Variants in NRDC observed in about 807,000 individuals in gnomAD.
NRDC encodes the protein nardilysin.
NRDC carries 54 observed loss-of-function variants against 147.1 expected under a neutral mutation model. The observed-to-expected ratio is 0.37, with a 90% CI of 0.29 to 0.46. NRDC has a LOEUF of 0.46. Among genes scored for constraint, NRDC ranks in the 20% least tolerant of loss-of-function variants. The pLI is 1.00. For missense variants in NRDC, 1,082 were observed against 1,370.6 expected (o/e 0.79, Z 3.33); for synonymous variants, 440 against 482.1 (o/e 0.91, Z 1.14).
At chr1:51,855,500 A>AT (rs896465699) in intron 1 of NRDC, among the ~76,000 whole-genome samples, 36 of 152,296 alleles carry the variant, frequency 2.4e-4, no homozygotes, top group Non-Finnish European at 4.6e-4. Context: ...AGAAAAAAAA[A>AT]ATGAAAAGAG....
rs188338019 is a variant in NRDC at position 51,878,582 on chromosome 1, C to G, written c.34G>C (p.Ala12Pro). ...LRRVTVAAVC[A>P]TRRKLCEAGR... ...GCCTCACACAACTTCCTCCGGGTGGCACAGACTGCAGCAACAGTGACTCTC... is the reference window on the plus strand; with the variant it reads ...GCCTCACACAACTTCCTCCGGGTGGGACAGACTGCAGCAACAGTGACTCTC... The change falls in exon 1 of 31, where the codon GCC (alanine) becomes CCC (proline). Residue 12 changes from alanine (A) to proline (P), a missense_variant. This residue lies in a region of NRDC where 260 missense variants were observed against 253.2 expected (regional missense o/e 1.03). Transcript: ENST00000352171. The G allele has an allele frequency of 3.1e-6, 5 of 1,613,054 alleles. No homozygotes were observed. In the African/African-American group the frequency reaches 6.7e-5, roughly 22 times the overall value.
At chr1:51,814,879 T>A in intron 11 of NRDC, 66 bp from the exon 12 acceptor site, 1 of 1,434,938 alleles carries the variant, frequency 7.0e-7, no homozygotes, top group South Asian at 1.6e-5. Context: ...ACATTCAAAT[T>A]AACAAAATAT....
At chr1:51,847,881 G>A (rs549048326) in intron 1 of NRDC, among the ~76,000 whole-genome samples, 4 of 152,388 alleles carry the variant, frequency 2.6e-5, no homozygotes, top group South Asian at 2.1e-4. Context: ...CCGAGGAGGC[G>A]CCAAGAGCAA....
Position 51,840,344 on chromosome 1 carries a change from C to A in NRDC, c.512G>T (p.Gly171Val). 6.5e-7 allele frequency: 1 copy of A among 1,529,066 alleles called. No homozygotes were observed. Among genetic ancestry groups the A allele is most frequent in the Non-Finnish European group, 9.1e-7 (1 of 1,103,148 alleles). 94.7% of individuals were successfully genotyped at this position (1,529,066 alleles called of 1,614,324 possible). Residue 171 changes from glycine (G) to valine (V), a missense_variant, in exon 2 of 31, where the codon GGT (glycine) becomes GTT (valine). This residue lies in a region of NRDC where 260 missense variants were observed against 253.2 expected (regional missense o/e 1.03). Transcript: ENST00000352171. ...ATCAAACTCATCTTCATCATCAAAA[C>A]CCTCTTCATCGTCATCTTCTATTTC... is the stretch of plus-strand genomic sequence containing the variant. ...GAEIEDDDEEGFDDEDEFDDE... is the reference protein window; with the variant it reads ...GAEIEDDDEEVFDDEDEFDDE...
intron 1 of NRDC, among the ~76,000 whole-genome samples, chr1:51,847,436 C>A (rs2149231146): frequency 6.6e-6 from 1 of 152,334 alleles, no homozygotes; most frequent in South Asian, 2.1e-4. Flanking sequence ...GGGGGCGGCG[C>A]TCGTTGGGGA....
At chr1:51,839,716 T>TA (rs1307125663) in intron 2 of NRDC, among the ~76,000 whole-genome samples, 1 of 152,188 alleles carries the variant, frequency 6.6e-6, no homozygotes, top group Non-Finnish European at 1.5e-5. Flanking sequence ...TATAAAGTGC[T>TA]AAATCAAACT....
At chr1:51,842,707 A>C (rs1681330480) in intron 1 of NRDC, among the ~76,000 whole-genome samples, 1 of 152,220 alleles carries the variant, frequency 6.6e-6, no homozygotes, top group South Asian at 2.1e-4. Context: ...GCAAAAGTAA[A>C]CAGTATATTA....
intron 2 of NRDC, among the ~76,000 whole-genome samples, chr1:51,838,083 TC>T (rs1681074904): frequency 6.6e-6 from 1 of 152,224 alleles, no homozygotes; most frequent in African/African-American, 2.4e-5. Context: ...ATCTTTCCTT[TC>T]ACTAGTGAAC....
chr1:51,806,727 G>T, intron 18 of NRDC, 67 bp downstream of exon 18: 1 of 1,486,592 alleles, frequency 6.7e-7, no homozygotes, highest in Non-Finnish European at 9.2e-7. Context: ...ATAATCACAT[G>T]TGAAACAGAG....
At chr1:51,807,289 G>A (rs1247141361) in intron 17 of NRDC, among the ~76,000 whole-genome samples, 8 of 152,168 alleles carry the variant, frequency 5.3e-5, no homozygotes, top group African/African-American at 1.9e-4. Flanking sequence ...CATTTGAAAA[G>A]TTACAAAATA....
chr1:51,861,229 CGTGA>C (rs558204964), intron 1 of NRDC, among the ~76,000 whole-genome samples: 2,576 of 142,832 alleles, frequency 0.018, 76 homozygotes, highest in African/African-American at 0.063. Flanking sequence ...GGATTACAGG[CGTGA>C]GCCACTGCAC....
chr1:51,827,686 C>A, intron 5 of NRDC, 110 bp downstream of exon 5: 1 of 769,252 alleles, frequency 1.3e-6, no homozygotes, highest in South Asian at 1.8e-5. Context: ...TCAATTTAGT[C>A]CTTTAAAATA....
At chr1:51,874,192 C>T (rs1014364248) in intron 1 of NRDC, among the ~76,000 whole-genome samples, 1 of 150,132 alleles carries the variant, frequency 6.7e-6, no homozygotes, top group Non-Finnish European at 1.5e-5. Flanking sequence ...TTGTTCTTTC[C>T]TTCTCCATAG....
At chr1:51,800,928 T>A (rs1310958854) in intron 20 of NRDC, 1 of 389,858 alleles carries the variant, frequency 2.6e-6, no homozygotes, top group Non-Finnish European at 4.6e-6. Context: ...CATTATAACC[T>A]CGAATGCCTA....
chr1:51,857,709 T>C (rs990620742), intron 1 of NRDC, among the ~76,000 whole-genome samples: 2 of 152,186 alleles, frequency 1.3e-5, no homozygotes, highest in African/African-American at 2.4e-5. Context: ...TTGGATCTGA[T>C]AATTAACTGA....
At chr1:51,813,475 C>T (rs1187227252) in intron 14 of NRDC, among the ~76,000 whole-genome samples, 2 of 152,100 alleles carry the variant, frequency 1.3e-5, no homozygotes, top group African/African-American at 4.8e-5. Context: ...CATAACATAT[C>T]CCATACGCTT....
chr1:51,867,816 T>G (rs183871234), intron 1 of NRDC, among the ~76,000 whole-genome samples: 2 of 152,292 alleles, frequency 1.3e-5, no homozygotes, highest in African/African-American at 4.8e-5. Context: ...AATTACAAAC[T>G]GCAAGTACAG....
chr1:51,805,176 C>T (rs560203475), intron 19 of NRDC, among the ~76,000 whole-genome samples: 1 of 152,288 alleles, frequency 6.6e-6, no homozygotes, highest in South Asian at 2.1e-4. Flanking sequence ...TCTATAAATA[C>T]AGAATCAACA....
chr1:51,835,623 C>A (rs2050846), intron 3 of NRDC, among the ~76,000 whole-genome samples: 2 of 151,286 alleles, frequency 1.3e-5, no homozygotes, highest in Admixed American at 1.3e-4. Flanking sequence ...TATGCCACCA[C>A]GCCCAACTAA....
Sources: gnomAD v4.1 joint callset for allele counts (sites outside exome capture counted in the v4.1 genomes callset) on GRCh38, gnomAD v4.1.1 for gene constraint, gnomAD v4.1.1 regional missense constraint, MANE v1.5 for transcripts, NCBI Gene and HGNC (gene_info 2026-07-23, HGNC 2026-07-21) for gene names.